Variants in DLG2 observed in about 807,000 individuals in gnomAD.
The protein encoded by DLG2 is discs large MAGUK scaffold protein 2, also known as disks large homolog 2.
Under a neutral mutation model 132.5 loss-of-function variants are expected in DLG2, and 45 were observed. That is an observed-to-expected ratio of 0.34 (90% CI 0.27 to 0.44). The LOEUF is 0.44. Among genes scored for constraint, DLG2 ranks in the 20% least tolerant of loss-of-function variants. The probability of loss-of-function intolerance (pLI) is 1.00; values close to 1 mark genes in which losing one functional copy is unlikely to be tolerated. For missense variants in DLG2, 1,045 were observed against 1,196.9 expected, an observed-to-expected ratio of 0.87 and a Z score of 1.87; for synonymous variants, 424 against 419.6, an observed-to-expected ratio of 1.01 and a Z score of -0.13.
intron 3 of DLG2, among the ~76,000 whole-genome samples, chr11:85,556,859 A>T (rs914240228): frequency 2.0e-5 from 3 of 151,846 alleles, no homozygotes; most frequent in African/African-American, 7.2e-5. Context: ...TTATCCAAAT[A>T]TAGAGATGAA....
intron 6 of DLG2, among the ~76,000 whole-genome samples, chr11:84,595,478 C>T (rs564554660): frequency 6.9e-6 from 1 of 145,628 alleles, no homozygotes; most frequent in South Asian, 2.3e-4. Flanking sequence ...GGTAAATTTC[C>T]TTTTTCTAAA....
chr11:84,368,724 T>C lies in DLG2; in HGVS notation c.520-117433A>G, dbSNP rs554034789. Among the ~76,000 whole-genome samples the C allele has an allele frequency of 3.1e-4, 47 of 152,258 alleles. 3 individuals are homozygous for C. The South Asian group carries it at 8.9e-3, about 29-fold the overall frequency. On this transcript the variant is annotated intron_variant, in intron 7 of 27. Coordinates refer to ENST00000376104, the MANE Select transcript of DLG2 (RefSeq NM_001142699.3). ...AACACAAGGTATACCTCATTAAAGA[T>C]GATGTGAGATCAAATGAGATAATGC... is the stretch of plus-strand genomic sequence containing the variant.
At chr11:85,142,847 A>G (rs1211313508) in intron 5 of DLG2, among the ~76,000 whole-genome samples, 3 of 151,754 alleles carry the variant, frequency 2.0e-5, no homozygotes, top group African/African-American at 2.4e-5. Context: ...TCAATATGAT[A>G]TATTACATTG....
intron 18 of DLG2, among the ~76,000 whole-genome samples, chr11:83,633,783 A>AC (rs1566161363): frequency 3.9e-5 from 4 of 102,170 alleles, no homozygotes; most frequent in South Asian, 3.2e-4. Context: ...CACACACACA[A>AC]CTGCGGAAAA....
intron 13 of DLG2, among the ~76,000 whole-genome samples, chr11:83,963,755 A>T (rs2089489006): frequency 6.6e-6 from 1 of 151,908 alleles, no homozygotes; most frequent in African/African-American, 2.4e-5. Context: ...CACATATCCT[A>T]TCATCCGCAA....
chr11:85,498,489 T>C (rs528072527), intron 3 of DLG2, among the ~76,000 whole-genome samples: 4 of 152,272 alleles, frequency 2.6e-5, no homozygotes, highest in African/African-American at 9.6e-5. Context: ...TGGGAGACTT[T>C]AACACCCCAT....
chr11:85,447,750 G>GA (rs546377304), intron 3 of DLG2, among the ~76,000 whole-genome samples: 68 of 150,556 alleles, frequency 4.5e-4, no homozygotes, highest in African/African-American at 1.4e-3. Flanking sequence ...TAAAATTTCT[G>GA]AAAAAAAAAT....
intron 14 of DLG2, among the ~76,000 whole-genome samples, chr11:83,953,008 A>G (rs78195316): frequency 0.014 from 2,083 of 152,316 alleles, 22 homozygotes; most frequent in Non-Finnish European, 0.02. Flanking sequence ...GGAGACATAT[A>G]TAAAGCAGTA....
chr11:84,641,171 T>C (rs1565532090), intron 6 of DLG2, among the ~76,000 whole-genome samples: 4 of 152,150 alleles, frequency 2.6e-5, no homozygotes, highest in Admixed American at 6.5e-5. Context: ...TTTCTGAATT[T>C]TAATCCCAGC....
intron 25 of DLG2, among the ~76,000 whole-genome samples, chr11:83,467,538 C>T (rs2091254335): frequency 6.6e-6 from 1 of 151,584 alleles, no homozygotes; most frequent in Non-Finnish European, 1.5e-5. Flanking sequence ...CACCTGAGAT[C>T]AGGAGTTCGA....
At chr11:84,322,995 CAG>C (rs1290447407) in intron 7 of DLG2, among the ~76,000 whole-genome samples, 1 of 151,980 alleles carries the variant, frequency 6.6e-6, no homozygotes, top group Non-Finnish European at 1.5e-5. Context: ...AAATATTAAA[CAG>C]AATTATTATC....
At chr11:84,059,079 T>G (rs2096550569) in intron 11 of DLG2, among the ~76,000 whole-genome samples, 1 of 152,216 alleles carries the variant, frequency 6.6e-6, no homozygotes, top group African/African-American at 2.4e-5. Flanking sequence ...TAGATGACTG[T>G]TAATATTTTT....
intron 11 of DLG2, among the ~76,000 whole-genome samples, chr11:84,056,849 C>T (rs966113006): frequency 1.3e-5 from 2 of 152,106 alleles, no homozygotes; most frequent in Non-Finnish European, 2.9e-5. Context: ...CTCTGGACAG[C>T]GACAGTAGAA....
rs1477730705 is a variant in DLG2 at position 84,059,336 on chromosome 11, T to G, written c.898A>C (p.Lys300Gln). 1 of 1,613,634 alleles carries G rather than the reference T, an allele frequency of 6.2e-7. No homozygotes were observed. Among genetic ancestry groups the G allele is most frequent in the African/African-American group, 1.3e-5 (1 of 75,006 alleles). ...TTACCTTTAGGGCCTTTGAACAGTT[T>G]GATTTCCACAACGGTCTCCAAAATA... Reference protein sequence around the residue: ...RPILETVVEIKLFKGPKGLGF... With the variant: ...RPILETVVEIQLFKGPKGLGF... Residue 300 changes from lysine (K) to glutamine (Q), a missense_variant, in exon 11 of 28, where the codon AAA becomes CAA. Physicochemically the swap from Lys to Gln is moderately conservative, Grantham distance 53. Transcript: ENST00000376104.
intron 7 of DLG2, among the ~76,000 whole-genome samples, chr11:84,337,137 GT>G (rs2098489128): frequency 1.3e-5 from 2 of 152,278 alleles, no homozygotes; most frequent in Middle Eastern, 6.8e-3. Context: ...ACAAGCTTCA[GT>G]TTTTTAATGT....
intron 18 of DLG2, 71 bp from the exon 19 acceptor site, chr11:83,633,396 G>A (rs1156782043): frequency 7.9e-7 from 1 of 1,270,376 alleles, no homozygotes; most frequent in Admixed American, 1.9e-5. Context: ...CACAGCCCAG[G>A]CAGCCCCTCA....
chr11:84,404,429 C>G (rs1483557936), intron 7 of DLG2, among the ~76,000 whole-genome samples: 1 of 152,088 alleles, frequency 6.6e-6, no homozygotes, highest in African/African-American at 2.4e-5. Context: ...CCTCACCTAC[C>G]TTTTCATTGC....
In DLG2 at chr11:85,376,668, G is replaced by GT. The variant is rs199631610; in HGVS notation, c.41-91304dup. On this transcript the variant is annotated intron_variant, in intron 3 of 27. Coordinates refer to ENST00000376104, the MANE Select transcript of DLG2 (RefSeq NM_001142699.3). ...CTAAATGTTAATGTTATTCCCTACTGTAAGTACAGAAAATTCCTTACGGTA... is the reference window on the plus strand; with the variant it reads ...CTAAATGTTAATGTTATTCCCTACTGTTAAGTACAGAAAATTCCTTACGGTA... 2.9e-3 allele frequency among the ~76,000 whole-genome samples: 440 copies of GT among 152,222 alleles called. 1 individual carries two copies. The highest frequency in any genetic ancestry group is 0.01 in the African/African-American group (426 of 41,542).
At chr11:83,992,043 A>G (rs1424702662) in intron 11 of DLG2, among the ~76,000 whole-genome samples, 1 of 152,162 alleles carries the variant, frequency 6.6e-6, no homozygotes, top group Non-Finnish European at 1.5e-5. Context: ...CTGTAAGCCA[A>G]GGAACATCAA....
Sources: allele counts gnomAD v4.1 joint callset (sites outside exome capture counted in the v4.1 genomes callset), GRCh38; gene constraint gnomAD v4.1.1; transcripts MANE v1.5; gene names NCBI Gene and HGNC (gene_info 2026-07-23, HGNC 2026-07-21).